Variants in SLC25A12 observed in about 807,000 individuals in gnomAD.
SLC25A12 encodes electrogenic aspartate/glutamate antiporter SLC25A12, mitochondrial.
A neutral mutation model predicts 83.3 loss-of-function variants in SLC25A12; 32 were observed. That is an observed-to-expected ratio of 0.38 (90% confidence interval 0.29 to 0.52). The LOEUF (loss-of-function observed/expected upper bound fraction) is 0.52, where lower values mean the gene tolerates loss of function less well. SLC25A12 is among the 20% of genes least tolerant of loss of function. SLC25A12 has a pLI of 0.84. For missense variants in SLC25A12, 611 were observed against 835.6 expected (o/e 0.73, Z 3.31); for synonymous variants, 267 against 291.1 (o/e 0.92, Z 0.84).
intron 3 of SLC25A12, among the ~76,000 whole-genome samples, chr2:171,868,029 G>C (rs1685373966): frequency 6.6e-6 from 1 of 151,930 alleles, no homozygotes; most frequent in African/African-American, 2.4e-5. Flanking sequence ...ATTTTTTTTA[G>C]TAGAGATGGG....
chr2:171,785,403 G>A lies in SLC25A12; in HGVS notation c.1908C>T (p.Ile636=), dbSNP rs762432729. The A allele has an allele frequency of 3.7e-6, 6 of 1,614,208 alleles. No homozygotes were observed. The highest frequency in any genetic ancestry group is 1.7e-5 in the Admixed American group (1 of 60,022). The change falls in exon 18 of 18, where the codon ATC becomes ATT. Residue 636 remains isoleucine (I), a synonymous_variant. Transcript: ENST00000422440. ...ADLPPANPDH[I]GGYRLATATF... is the part of the protein sequence containing the mutation. ...TGGCTGTGGCGAGTCTGTATCCACCGATGTGATCAGGGTTGGCAGGAGGAA... is the reference window on the plus strand; with the variant it reads ...TGGCTGTGGCGAGTCTGTATCCACCAATGTGATCAGGGTTGGCAGGAGGAA...
intron 1 of SLC25A12, among the ~76,000 whole-genome samples, chr2:171,893,518 T>A (rs1331457737): frequency 6.6e-6 from 1 of 152,132 alleles, no homozygotes; most frequent in Non-Finnish European, 1.5e-5. Flanking sequence ...GGGAAGGCAA[T>A]GAGGATCTTT....
intron 13 of SLC25A12, among the ~76,000 whole-genome samples, chr2:171,798,831 T>G (rs1683652816): frequency 6.6e-6 from 1 of 152,120 alleles, no homozygotes; most frequent in African/African-American, 2.4e-5. Flanking sequence ...CTAACTAGGG[T>G]AAGGGAAGTG....
At chr2:171,786,959 A>G (rs933632581) in intron 17 of SLC25A12, among the ~76,000 whole-genome samples, 2 of 152,266 alleles carry the variant, frequency 1.3e-5, no homozygotes, top group Non-Finnish European at 2.9e-5. Context: ...TGAAAGGGCC[A>G]TATAATAAAA....
intron 13 of SLC25A12, among the ~76,000 whole-genome samples, chr2:171,806,877 A>G (rs966523157): frequency 1.2e-4 from 19 of 152,228 alleles, no homozygotes; most frequent in African/African-American, 3.6e-4. Flanking sequence ...ACTCAGGATG[A>G]TGAAGACTCA....
chr2:171,853,524 T>C (rs1000847345), intron 4 of SLC25A12, among the ~76,000 whole-genome samples: 11 of 152,058 alleles, frequency 7.2e-5, no homozygotes, highest in Non-Finnish European at 1.5e-4. Context: ...CTACTAAAAA[T>C]ACAAAAATTA....
intron 13 of SLC25A12, among the ~76,000 whole-genome samples, chr2:171,804,280 C>G (rs1683776364): frequency 6.9e-6 from 1 of 144,816 alleles, no homozygotes; most frequent in South Asian, 2.3e-4. Context: ...TATTTTGAGA[C>G]AGAGTCTCTC....
At chr2:171,851,199 GTT>G in intron 4 of SLC25A12, among the ~76,000 whole-genome samples, 2 of 144,528 alleles carry the variant, frequency 1.4e-5, no homozygotes, top group African/African-American at 2.5e-5. Flanking sequence ...TTTCTTGTTT[GTT>G]TTTTTTTTTG....
intron 2 of SLC25A12, among the ~76,000 whole-genome samples, chr2:171,879,637 C>A (rs185770655): frequency 6.6e-6 from 1 of 152,268 alleles, no homozygotes; most frequent in Non-Finnish European, 1.5e-5. Flanking sequence ...TAATTTGCAT[C>A]ATTCCTTAAA....
intron 13 of SLC25A12, among the ~76,000 whole-genome samples, chr2:171,802,085 A>G (rs895164328): frequency 2.6e-5 from 4 of 152,338 alleles, no homozygotes; most frequent in East Asian, 1.9e-4. Flanking sequence ...CTCAACATTC[A>G]TAAGAGATAT....
At chr2:171,890,411 A>G (rs949662914) in intron 2 of SLC25A12, among the ~76,000 whole-genome samples, 1 of 152,196 alleles carries the variant, frequency 6.6e-6, no homozygotes, top group Non-Finnish European at 1.5e-5. Context: ...CAAGCCAGGA[A>G]TAAAAATCTT....
At chr2:171,839,983 T>C (rs1374848695) in intron 5 of SLC25A12, among the ~76,000 whole-genome samples, 1 of 152,182 alleles carries the variant, frequency 6.6e-6, no homozygotes, top group Non-Finnish European at 1.5e-5. Context: ...AGAGGATCTC[T>C]GAACCAGCAT....
intron 2 of SLC25A12, among the ~76,000 whole-genome samples, chr2:171,889,381 C>G (rs1433856040): frequency 6.6e-6 from 1 of 152,156 alleles, no homozygotes; most frequent in Admixed American, 6.5e-5. Flanking sequence ...TCCCTTACAT[C>G]GCTGGTATTG....
intron 4 of SLC25A12, among the ~76,000 whole-genome samples, chr2:171,855,127 T>C (rs1685018221): frequency 6.6e-6 from 1 of 152,150 alleles, no homozygotes; most frequent in African/African-American, 2.4e-5. Context: ...TGGCTTTTAT[T>C]GAAAAAATTG....
chr2:171,785,558 A>G (rs1690472875), intron 17 of SLC25A12, 83 bp from the exon 18 acceptor site: 1 of 1,201,482 alleles, frequency 8.3e-7, no homozygotes, highest in South Asian at 1.2e-5. Flanking sequence ...GGTCTGACCC[A>G]TGTGCCACAA....
chr2:171,852,813 T>C, intron 4 of SLC25A12: 1 of 304,896 alleles, frequency 3.3e-6, no homozygotes, highest in South Asian at 2.9e-5. Context: ...GTTTCAATAT[T>C]TTCCCTCTTA....
At chr2:171,885,530 A>C (rs1314248597) in intron 2 of SLC25A12, among the ~76,000 whole-genome samples, 1 of 151,648 alleles carries the variant, frequency 6.6e-6, no homozygotes, top group East Asian at 2.0e-4. Context: ...AAACACAAAA[A>C]TTAGCTAGGC....
intron 2 of SLC25A12, among the ~76,000 whole-genome samples, chr2:171,882,707 A>G (rs1685722423): frequency 6.6e-6 from 1 of 152,252 alleles, no homozygotes; most frequent in African/African-American, 2.4e-5. Context: ...CTAGAAACCC[A>G]ACGCTGGCCA....
chr2:171,886,568 G>A (rs1685825082), intron 2 of SLC25A12, among the ~76,000 whole-genome samples: 3 of 151,146 alleles, frequency 2.0e-5, no homozygotes, highest in Non-Finnish European at 4.4e-5. Flanking sequence ...GGAGTGCAGT[G>A]GCGCGATCTC....
Sources: allele counts gnomAD v4.1 joint callset (sites outside exome capture counted in the v4.1 genomes callset), GRCh38; gene constraint gnomAD v4.1.1; transcripts MANE v1.5; gene names NCBI Gene and HGNC (gene_info 2026-07-23, HGNC 2026-07-21).